The following CCNH variants were observed in gnomAD, a reference collection of about 807,000 sequenced individuals.
CCNH encodes cyclin-H.
A neutral mutation model predicts 41.9 loss-of-function variants in CCNH; 31 were observed. The observed-to-expected ratio is 0.74, with a 90% confidence interval of 0.56 to 1.00. CCNH has a LOEUF of 1.00. Among genes scored for constraint, CCNH ranks in the 50% least tolerant of loss-of-function variants. CCNH has a pLI of 0.00. For missense variants in CCNH, 362 were observed against 388.4 expected (o/e 0.93, Z 0.57); for synonymous variants, 138 against 136.1 (o/e 1.01, Z -0.10).
At chr5:87,338,171 A>G in intron 9 of CCNH, 1 of 1,585,722 alleles carries the variant, frequency 6.3e-7, no homozygotes, top group Non-Finnish European at 8.6e-7. Flanking sequence ...CAGAGAAAGT[A>G]GCTATGAATA....
chr5:87,403,555 C>CGAGT (rs1763571082), intron 5 of CCNH, among the ~76,000 whole-genome samples: 1 of 152,100 alleles, frequency 6.6e-6, no homozygotes, highest in African/African-American at 2.4e-5. Flanking sequence ...AGGCAGGAGA[C>CGAGT]TACTCGAGTC....
intron 9 of CCNH, among the ~76,000 whole-genome samples, chr5:87,319,390 C>T (rs896364622): frequency 1.3e-5 from 2 of 152,322 alleles, no homozygotes; most frequent in South Asian, 2.1e-4. Flanking sequence ...GGCCCTGTAG[C>T]GGAGTCCTGC....
downstream of CCNH, chr5:87,390,699 C>A: frequency 1.1e-6 from 1 of 877,288 alleles, no homozygotes; most frequent in Non-Finnish European, 1.9e-6. Context: ...ATATTTTATG[C>A]ATCCTTTTGC....
downstream of CCNH, chr5:87,386,968 T>A: frequency 7.3e-7 from 1 of 1,371,436 alleles, no homozygotes; most frequent in Non-Finnish European, 1.0e-6. Context: ...GTTAACCCAT[T>A]TAAGCAGCAA....
intron 9 of CCNH, among the ~76,000 whole-genome samples, chr5:87,358,375 C>T (rs948859228): frequency 6.6e-6 from 1 of 152,220 alleles, no homozygotes; most frequent in Non-Finnish European, 1.5e-5. Flanking sequence ...GGTGACACTA[C>T]AATGATGCCT....
At chr5:87,395,318 A>G (rs1219383545) in intron 7 of CCNH, among the ~76,000 whole-genome samples, 1 of 152,178 alleles carries the variant, frequency 6.6e-6, no homozygotes, top group South Asian at 2.1e-4. Flanking sequence ...ACCCTAATAA[A>G]ATTTTTCATG....
chr5:87,351,774 A>G (rs1289529657), intron 9 of CCNH, among the ~76,000 whole-genome samples: 1 of 151,752 alleles, frequency 6.6e-6, no homozygotes, highest in Non-Finnish European at 1.5e-5. Context: ...GTAAAAACCT[A>G]TCTGATTGGT....
exon 1 of CCNH, chr5:87,376,484 T>G (rs754813039): frequency 6.2e-7 from 1 of 1,613,964 alleles, no homozygotes; most frequent in Non-Finnish European, 8.5e-7. Flanking sequence ...TAAAAGGTAT[T>G]GAACCAGGGT....
downstream of CCNH, chr5:87,374,810 T>C (rs745575768): frequency 1.9e-6 from 3 of 1,607,440 alleles, no homozygotes; most frequent in African/African-American, 4.0e-5. Flanking sequence ...CAAAACATTT[T>C]GTTAATTCTT....
At chr5:87,371,478 T>G (rs1760935589), downstream of CCNH, among the ~76,000 whole-genome samples, 1 of 152,172 alleles carries the variant, frequency 6.6e-6, no homozygotes, top group Non-Finnish European at 1.5e-5. Context: ...TAAACCTTAG[T>G]TCTCTCCTTT....
chr5:87,409,629 CGTGTGTGTGTGT>C (rs71610500), intron 2 of CCNH, among the ~76,000 whole-genome samples: 3,127 of 146,062 alleles, frequency 0.021, 110 homozygotes, highest in African/African-American at 0.074. Flanking sequence ...TTTAAAAATA[CGTGTGTGTGTGT>C]GTGTGTGTGT....
intron 9 of CCNH, among the ~76,000 whole-genome samples, chr5:87,336,365 C>T (rs1039629855): frequency 2.1e-5 from 3 of 145,502 alleles, no homozygotes; most frequent in Non-Finnish European, 4.5e-5. Flanking sequence ...CCTGGGAGAC[C>T]AAAAAGAAAA....
At chr5:87,357,620 G>A (rs1173173625) in intron 9 of CCNH, among the ~76,000 whole-genome samples, 1 of 152,028 alleles carries the variant, frequency 6.6e-6, no homozygotes, top group Non-Finnish European at 1.5e-5. Context: ...CAGGAGAATC[G>A]CTTGAACCTG....
chr5:87,401,439 T>C (rs1763404362), intron 6 of CCNH, among the ~76,000 whole-genome samples: 1 of 152,242 alleles, frequency 6.6e-6, no homozygotes, highest in Non-Finnish European at 1.5e-5. Flanking sequence ...AAAAGGATCC[T>C]GTTGTCAATC....
At chr5:87,368,654 C>G (rs1472145721) in intron 9 of CCNH, among the ~76,000 whole-genome samples, 5 of 152,156 alleles carry the variant, frequency 3.3e-5, no homozygotes, top group African/African-American at 4.8e-5. Flanking sequence ...AATGGAAAGC[C>G]TGAAATTCAT....
chr5:87,373,631 C>CT (rs1444182376), downstream of CCNH, among the ~76,000 whole-genome samples: 2 of 152,078 alleles, frequency 1.3e-5, no homozygotes, highest in Admixed American at 6.6e-5. Context: ...GGTGGATGGT[C>CT]TAAGTTTTGG....
intron 2 of CCNH, 43 bp from the exon 3 acceptor site, chr5:87,409,406 T>C (rs1764057140): frequency 9.0e-7 from 1 of 1,109,236 alleles, no homozygotes; most frequent in African/African-American, 1.6e-5. Context: ...TAGTCACAAA[T>C]GTTAAATGTT....
At chr5:87,391,199 T>C (rs994939185), downstream of CCNH, 1 of 462,790 alleles carries the variant, frequency 2.2e-6, no homozygotes. Context: ...TTTCAAAATA[T>C]ATTTTCAGTA....
At chr5:87,389,378 A>C (rs1345196155), downstream of CCNH, 1 of 1,613,880 alleles carries the variant, frequency 6.2e-7, no homozygotes. Context: ...ATGCAATTTT[A>C]CGATTCCCTT....
Sources: allele counts gnomAD v4.1 joint callset (sites outside exome capture counted in the v4.1 genomes callset), GRCh38; gene constraint gnomAD v4.1.1; transcripts MANE v1.5; gene names NCBI Gene and HGNC (gene_info 2026-07-23, HGNC 2026-07-21).